The following MPDZ variants were observed in gnomAD, a reference collection of about 807,000 sequenced individuals.
MPDZ encodes the protein multiple PDZ domain protein.
In MPDZ, 234 loss-of-function variants were observed where a neutral mutation model predicts 239.1. That is an observed-to-expected ratio of 0.98 (90% CI 0.88 to 1.09). The LOEUF (loss-of-function observed/expected upper bound fraction) is 1.09. Ranked by LOEUF, MPDZ falls within the 50% of genes least tolerant of loss-of-function variation. The probability of loss-of-function intolerance (pLI) is 0.00; values close to 1 mark genes in which losing one functional copy is unlikely to be tolerated. For missense variants in MPDZ, 3,175 were observed against 2,510.0 expected, an observed-to-expected ratio of 1.26 and a Z score of -5.66; for synonymous variants, 1,048 against 881.3, an observed-to-expected ratio of 1.19 and a Z score of -3.35.
rs201230061 is a variant in MPDZ at position 13,109,970 on chromosome 9, A to G, written c.5924T>C (p.Ile1975Thr). ...LSFTGLTSSSIFQDDLGPPQC... is the reference protein window; with the variant it reads ...LSFTGLTSSSTFQDDLGPPQC... ...AACTCACCCTAAATCATCCTGAAATATACTGCTTGACGTCAGCCCAGTGAA... is the reference window on the plus strand; with the variant it reads ...AACTCACCCTAAATCATCCTGAAATGTACTGCTTGACGTCAGCCCAGTGAA... The change falls in exon 45 of 47, where the codon ATA (isoleucine) becomes ACA (threonine). Residue 1975 changes from isoleucine (I) to threonine (T), a missense_variant. By Grantham distance (89) the Ile-to-Thr change is moderately conservative. Coordinates refer to ENST00000319217, the MANE Select transcript of MPDZ (RefSeq NM_001378778.1). 360 of 1,612,782 alleles carry G rather than the reference A, an allele frequency of 2.2e-4. No homozygotes were observed. Among genetic ancestry groups the G allele is most frequent in the Non-Finnish European group, 2.9e-4 (344 of 1,179,572 alleles).
At chr9:13,144,336 C>A (rs1640642337) in intron 26 of MPDZ, among the ~76,000 whole-genome samples, 3 of 151,908 alleles carry the variant, frequency 2.0e-5, no homozygotes, top group African/African-American at 2.4e-5. Flanking sequence ...GTAATAAGCC[C>A]TGAGCCAGAC....
intron 3 of MPDZ, among the ~76,000 whole-genome samples, chr9:13,240,008 C>A (rs927289667): frequency 2.0e-5 from 3 of 151,924 alleles, no homozygotes; most frequent in African/African-American, 7.3e-5. Context: ...TCAAGGTATG[C>A]TGAAATTTTC....
In MPDZ at chr9:13,205,963, A is replaced by G; in HGVS notation, c.1427T>C (p.Val476Ala). The G allele has an allele frequency of 6.2e-7, 1 of 1,609,254 alleles. No individual in the cohort carries two copies. Among genetic ancestry groups the G allele is most frequent in the Non-Finnish European group, 8.5e-7 (1 of 1,178,354 alleles). The part of the protein sequence containing the change: ...QEAELMSRED[V>A]TKDADLSPVN... ...AGGAGACAAATCTGCATCTTTTGTG[A>G]CGTCTTCCCTTGACATGAGCTCGGC... The change falls in exon 11 of 47, where the codon GTC becomes GCC. Residue 476 changes from valine (V) to alanine (A), a missense_variant. Transcript: ENST00000319217.
At chr9:13,246,348 A>T (rs1188512686) in intron 3 of MPDZ, among the ~76,000 whole-genome samples, 1 of 152,196 alleles carries the variant, frequency 6.6e-6, no homozygotes, top group Non-Finnish European at 1.5e-5. Flanking sequence ...AGGCTGAGGC[A>T]GGAGAATCTC....
At chr9:13,191,920 G>C (rs1180358072) in intron 15 of MPDZ, among the ~76,000 whole-genome samples, 2 of 152,092 alleles carry the variant, frequency 1.3e-5, no homozygotes, top group Admixed American at 1.3e-4. Flanking sequence ...AGAAAACTGA[G>C]GTTCAGAAAG....
At chr9:13,111,792 T>G (rs768783229) in intron 43 of MPDZ, among the ~76,000 whole-genome samples, 9 of 152,232 alleles carry the variant, frequency 5.9e-5, no homozygotes, top group Non-Finnish European at 1.3e-4. Flanking sequence ...TAAAAATATG[T>G]ATTAGGAAAC....
intron 32 of MPDZ, among the ~76,000 whole-genome samples, chr9:13,130,988 T>C (rs1945912839): frequency 6.6e-6 from 1 of 152,148 alleles, no homozygotes; most frequent in Non-Finnish European, 1.5e-5. Flanking sequence ...CAGTTCAAAG[T>C]GGAGAAAATA....
At chr9:13,138,265 G>T in intron 28 of MPDZ, 112 bp from the exon 29 acceptor site, 2 of 1,185,592 alleles carry the variant, frequency 1.7e-6, no homozygotes, top group Non-Finnish European at 2.3e-6. Context: ...ATACCAAAAT[G>T]TACGCTTTGA....
At chr9:13,144,145 G>A (rs1563896752) in intron 26 of MPDZ, among the ~76,000 whole-genome samples, 2 of 151,930 alleles carry the variant, frequency 1.3e-5, no homozygotes, top group Admixed American at 1.3e-4. Flanking sequence ...ATTAAAAAAT[G>A]AACTCCTGTA....
chr9:13,113,193 A>G, intron 41 of MPDZ, 139 bp from the exon 42 acceptor site: 3 of 667,164 alleles, frequency 4.5e-6, no homozygotes, highest in Non-Finnish European at 7.7e-6. Flanking sequence ...CTGCTAGTAC[A>G]CATGATTAGA....
chr9:13,187,200 A>C (rs142476108), intron 17 of MPDZ, among the ~76,000 whole-genome samples: 1 of 152,258 alleles, frequency 6.6e-6, no homozygotes, highest in East Asian at 1.9e-4. Flanking sequence ...ATTAAGCCTC[A>C]CTTTGGGAAG....
chr9:13,265,438 G>A (rs543427098), intron 1 of MPDZ, among the ~76,000 whole-genome samples: 14 of 152,226 alleles, frequency 9.2e-5, no homozygotes, highest in Admixed American at 2.0e-4. Flanking sequence ...GTGTGGTGGC[G>A]CATGCCTGTA....
chr9:13,158,536 A>T (rs1950100187), intron 23 of MPDZ, among the ~76,000 whole-genome samples: 2 of 152,150 alleles, frequency 1.3e-5, no homozygotes, highest in Admixed American at 1.3e-4. Context: ...GTCCTGAATG[A>T]ATTTCTAATC....
Position 13,107,007 on chromosome 9 carries a change from A to C in MPDZ, c.6171T>G (p.Leu2057=). 6.2e-7 allele frequency: 1 copy of C among 1,613,642 alleles called. No individual in the cohort carries two copies. The change falls in exon 47 of 47, where the codon CTT becomes CTG. Residue 2057 remains leucine (L), a synonymous_variant. Transcript: ENST00000319217. ...GVTHEEAVAI[L]KRTKGTVTLM... is the part of the protein sequence containing the mutation. ...AAGTGACAGTGCCTTTTGTCCGTTT[A>C]AGGATGGCAACAGCTTCTTCATGGG...
intron 40 of MPDZ, among the ~76,000 whole-genome samples, chr9:13,114,493 G>A (rs1943040764): frequency 6.6e-6 from 1 of 152,172 alleles, no homozygotes; most frequent in South Asian, 2.1e-4. Context: ...CTTGTCAAGA[G>A]TCTTGAAATA....
chr9:13,210,356 A>G (rs1049257468), intron 10 of MPDZ, among the ~76,000 whole-genome samples: 1 of 152,146 alleles, frequency 6.6e-6, no homozygotes, highest in Non-Finnish European at 1.5e-5. Flanking sequence ...AAGAACTACA[A>G]TTCACACACA....
At chr9:13,279,221 C>CCCACCGCCCCACGGCCCGCCG (rs1975006926) in intron 1 of MPDZ, 179 bp downstream of exon 1, 1 of 142,010 alleles carries the variant, frequency 7.0e-6, no homozygotes, top group African/African-American at 2.6e-5. Flanking sequence ...AGCGCACCGC[C>CCCACCGCCCCACGGCCCGCCG]CCACCGCCCC....
rs1944449144 is a variant in MPDZ at position 13,122,176 on chromosome 9, G to A, written c.4954-6C>T. On this transcript the variant is annotated splice_polypyrimidine_tract_variant and splice_region_variant and intron_variant, in intron 36 of 46. Transcript: ENST00000319217. ...TCATGGATAATAATGGCACCCTAAG[G>A]GCCCAAACAAAACATACCCATACTT... The A allele has an allele frequency of 3.1e-6, 5 of 1,613,312 alleles. No individual in the cohort carries two copies. The highest frequency in any genetic ancestry group is 3.4e-6 in the Non-Finnish European group (4 of 1,179,610).
At chr9:13,230,035 AC>A (rs1331607332) in intron 3 of MPDZ, among the ~76,000 whole-genome samples, 2 of 152,154 alleles carry the variant, frequency 1.3e-5, no homozygotes, top group Non-Finnish European at 2.9e-5. Context: ...AAAAAAACAG[AC>A]AGACATTTCA....
Sources: gnomAD v4.1 joint callset for allele counts (sites outside exome capture counted in the v4.1 genomes callset) on GRCh38, gnomAD v4.1.1 for gene constraint, MANE v1.5 for transcripts, NCBI Gene and HGNC (gene_info 2026-07-23, HGNC 2026-07-21) for gene names.